The following ADK variants were observed in gnomAD, a reference collection of about 807,000 sequenced individuals.
The protein encoded by ADK is N6,N6-dimethyladenosine kinase.
In ADK, 24 loss-of-function variants were observed where a neutral mutation model predicts 44.7. The ratio of observed to expected loss-of-function variants is 0.54; its 90% CI spans 0.39 to 0.76. ADK has a LOEUF of 0.76. Among genes scored for constraint, ADK ranks in the 30% least tolerant of loss-of-function variants. The probability of loss-of-function intolerance (pLI) is 0.00; values close to 1 mark genes in which losing one functional copy is unlikely to be tolerated. For synonymous variants in ADK, 128 were observed against 142.6 expected, an observed-to-expected ratio of 0.90 and a Z score of 0.73; for missense variants, 321 against 425.1, an observed-to-expected ratio of 0.76 and a Z score of 2.15.
chr10:74,294,335 G>C (rs1454085705), intron 3 of ADK, among the ~76,000 whole-genome samples: 1 of 150,294 alleles, frequency 6.7e-6, no homozygotes, highest in Non-Finnish European at 1.5e-5. Context: ...TGCCCAGGCT[G>C]GAGTGCAATG....
Position 74,394,057 on chromosome 10 carries a change from G to A in ADK, c.274-84G>A, listed in dbSNP as rs1299357037. On this transcript the variant is annotated intron_variant, in intron 4 of 10. Coordinates refer to ENST00000539909, the MANE Select transcript of ADK (RefSeq NM_006721.4). ...CTACAGTTTCTCACAAAGCATTCTT[G>A]TCACATCACTATCTGTGGCAGAATA... is the stretch of plus-strand genomic sequence containing the variant. 5 of 1,347,364 alleles carry A rather than the reference G, an allele frequency of 3.7e-6. No individual in the cohort carries two copies. In the African/African-American group the frequency reaches 7.2e-5, roughly 19 times the overall value. The allele number at this position is 1,347,364 out of a possible 1,614,324, so 83.5% of individuals were successfully genotyped here.
At chr10:74,669,866 A>G (rs1417253061) in intron 9 of ADK, among the ~76,000 whole-genome samples, 1 of 152,174 alleles carries the variant, frequency 6.6e-6, no homozygotes, top group African/African-American at 2.4e-5. Context: ...CCTTTAGTTT[A>G]TGGCTTCTGT....
chr10:74,439,809 A>G lies in ADK; in HGVS notation c.555+41230A>G, dbSNP rs532192320. Among the ~76,000 whole-genome samples the G allele has an allele frequency of 2.0e-5, 3 of 152,140 alleles. No homozygotes were observed. The South Asian group carries it at 6.2e-4, about 32-fold the overall frequency. On this transcript the variant is annotated intron_variant, in intron 6 of 10. Coordinates refer to ENST00000539909, the MANE Select transcript of ADK (RefSeq NM_006721.4). ...TTTTAATGTTTAAATTATTGTCTCA[A>G]TTTGAAATAATCACAGATTTTCCTT... is the stretch of plus-strand genomic sequence containing the variant.
At chr10:74,479,395 G>GTT (rs557302014) in intron 6 of ADK, among the ~76,000 whole-genome samples, 36 of 117,212 alleles carry the variant, frequency 3.1e-4, no homozygotes, top group Admixed American at 6.7e-4. Context: ...TTTTTTGTTG[G>GTT]TTTTTTTTTT....
At chr10:74,401,558 C>T (rs1034092408) in intron 6 of ADK, among the ~76,000 whole-genome samples, 1 of 151,872 alleles carries the variant, frequency 6.6e-6, no homozygotes, top group African/African-American at 2.4e-5. Flanking sequence ...ACTAGGATTG[C>T]AACCCCTGCT....
chr10:74,372,489 A>AG, intron 4 of ADK: 1 of 430,944 alleles, frequency 2.3e-6, no homozygotes, highest in East Asian at 4.1e-5. Flanking sequence ...TTAAAAAAAA[A>AG]AAAGTAATGC....
In ADK at chr10:74,398,643, G is replaced by A. The variant is rs1302065773; in HGVS notation, c.555+64G>A. The stretch of plus-strand genomic sequence containing the variant: ...ACATGATGGATTATAGTTGTTGTCT[G>A]ATATATATTTTAAAATAATTATCTT... On this transcript the variant is annotated intron_variant, in intron 6 of 10. Transcript: ENST00000539909. 5 of 860,862 alleles carry A rather than the reference G, an allele frequency of 5.8e-6. No homozygotes were observed. The Admixed American group carries it at 1.2e-4, about 21-fold the overall frequency. 53.3% of individuals were successfully genotyped at this position (860,862 alleles called of 1,614,324 possible).
At position 74,241,768 on chromosome 10, in the gene ADK, T is replaced by G. The variant is rs796137022; in HGVS notation, c.194+17177T>G. 3.9e-5 allele frequency among the ~76,000 whole-genome samples: 6 copies of G among 152,342 alleles called. No individual in the cohort carries two copies. In the South Asian group the frequency reaches 6.2e-4, roughly 16 times the overall value. ...CCCAGGCTGGAGTGCAGTGATGCAA[T>G]CATAGTTCACAGCAGCCTGCAGCTC... On this transcript the variant is annotated intron_variant, in intron 3 of 10. Coordinates refer to ENST00000539909, the MANE Select transcript of ADK (RefSeq NM_006721.4).
At chr10:74,627,188 C>A (rs866850297) in intron 9 of ADK, among the ~76,000 whole-genome samples, 7 of 144,844 alleles carry the variant, frequency 4.8e-5, no homozygotes, top group African/African-American at 1.3e-4. Flanking sequence ...ACAGGGTAAT[C>A]AAAAAAAAAA....
intron 9 of ADK, among the ~76,000 whole-genome samples, chr10:74,642,958 G>A (rs1388142640): frequency 2.7e-5 from 4 of 149,614 alleles, no homozygotes. Context: ...TCTTACCTCA[G>A]CCTCCTAAGT....
At chr10:74,534,303 A>G (rs1324943808) in intron 7 of ADK, among the ~76,000 whole-genome samples, 1 of 152,206 alleles carries the variant, frequency 6.6e-6, no homozygotes, top group Non-Finnish European at 1.5e-5. Context: ...ATGAATATAT[A>G]CTTTGATTCC....
At chr10:74,541,794 A>ACC (rs543189156) in intron 7 of ADK, among the ~76,000 whole-genome samples, 15,265 of 63,454 alleles carry the variant, frequency 0.24, 2,569 homozygotes, top group Non-Finnish European at 0.26. Context: ...ACCCCCACAC[A>ACC]CCCCCCCCCC....
intron 7 of ADK, among the ~76,000 whole-genome samples, chr10:74,528,960 C>T (rs1006849075): frequency 6.6e-6 from 1 of 152,126 alleles, no homozygotes; most frequent in African/African-American, 2.4e-5. Flanking sequence ...TTGGTGGTTC[C>T]TCAAAATGTT....
At chr10:74,691,369 A>G (rs768347920) in intron 10 of ADK, among the ~76,000 whole-genome samples, 2 of 152,216 alleles carry the variant, frequency 1.3e-5, no homozygotes, top group Non-Finnish European at 2.9e-5. Flanking sequence ...AACAAAGGTA[A>G]TTACATGATA....
intron 6 of ADK, among the ~76,000 whole-genome samples, chr10:74,504,977 A>G (rs949396835): frequency 9.9e-5 from 15 of 152,018 alleles, no homozygotes; most frequent in Admixed American, 1.3e-4. Flanking sequence ...TTTATTGTTC[A>G]TTAAGTGGAG....
chr10:74,250,926 G>A (rs561304846), intron 3 of ADK, among the ~76,000 whole-genome samples: 6 of 151,874 alleles, frequency 4.0e-5, no homozygotes, highest in Middle Eastern at 3.2e-3. Flanking sequence ...ATTTTTGGTA[G>A]AGACAAGGTC....
chr10:74,573,638 T>A (rs958745590), intron 7 of ADK, among the ~76,000 whole-genome samples: 2 of 152,218 alleles, frequency 1.3e-5, no homozygotes, highest in South Asian at 4.1e-4. Context: ...GCAGGCCTCC[T>A]TGAGCTGTGG....
At chr10:74,269,084 CATTA>C (rs1846327252) in intron 3 of ADK, among the ~76,000 whole-genome samples, 2 of 152,096 alleles carry the variant, frequency 1.3e-5, no homozygotes, top group Non-Finnish European at 2.9e-5. Flanking sequence ...TTAAATGTAA[CATTA>C]ATTTTTCTAT....
chr10:74,210,792 T>G (rs1843784785), intron 2 of ADK, among the ~76,000 whole-genome samples: 1 of 152,204 alleles, frequency 6.6e-6, no homozygotes, highest in East Asian at 1.9e-4. Context: ...AAAAAATATT[T>G]AGTGTCAAGT....
Sources: gnomAD v4.1 joint callset for allele counts (sites outside exome capture counted in the v4.1 genomes callset) on GRCh38, gnomAD v4.1.1 for gene constraint, MANE v1.5 for transcripts, NCBI Gene and HGNC (gene_info 2026-07-23, HGNC 2026-07-21) for gene names.